Variants in LRP1B observed in about 807,000 individuals in gnomAD.
LRP1B encodes LDL receptor related protein 1B.
A neutral mutation model predicts 556.6 loss-of-function variants in LRP1B; 217 were observed. The observed-to-expected ratio is 0.39, with a 90% CI of 0.35 to 0.44. LRP1B has a LOEUF of 0.44. LRP1B is among the 20% of genes least tolerant of loss of function. The pLI, the probability that LRP1B is intolerant of heterozygous loss-of-function variation, is 1.00. For missense variants in LRP1B, 5,053 were observed against 5,620.8 expected, an observed-to-expected ratio of 0.90 and a Z score of 3.23; for synonymous variants, 2,047 against 1,865.8, an observed-to-expected ratio of 1.10 and a Z score of -2.50.
intron 2 of LRP1B, among the ~76,000 whole-genome samples, chr2:141,658,207 C>T (rs1166283189): frequency 1.3e-5 from 2 of 152,180 alleles, no homozygotes; most frequent in African/African-American, 4.8e-5. Context: ...CAACAAGTAG[C>T]TTTCAGCTAG....
At chr2:140,549,980 T>C (rs1680486644) in intron 43 of LRP1B, among the ~76,000 whole-genome samples, 1 of 151,898 alleles carries the variant, frequency 6.6e-6, no homozygotes, top group Non-Finnish European at 1.5e-5. Context: ...CTAGATTAGG[T>C]ATTTCTCCTA....
At chr2:141,829,370 C>T (rs1697037856) in intron 1 of LRP1B, among the ~76,000 whole-genome samples, 1 of 152,000 alleles carries the variant, frequency 6.6e-6, no homozygotes, top group Non-Finnish European at 1.5e-5. Flanking sequence ...ATATGAATTA[C>T]AGGAAAAAAT....
chr2:141,688,166 T>G (rs1691380698), intron 2 of LRP1B, among the ~76,000 whole-genome samples: 1 of 151,816 alleles, frequency 6.6e-6, no homozygotes. Flanking sequence ...CAATTTTCTT[T>G]CTGTCACACG....
intron 1 of LRP1B, among the ~76,000 whole-genome samples, chr2:141,969,074 AC>A (rs1476208113): frequency 1.3e-5 from 2 of 150,732 alleles, no homozygotes; most frequent in Admixed American, 6.7e-5. Flanking sequence ...TGGCTTGGCA[AC>A]CTGCAAGTTA....
intron 3 of LRP1B, among the ~76,000 whole-genome samples, chr2:141,365,439 G>A (rs965757682): frequency 1.3e-5 from 2 of 149,320 alleles, no homozygotes; most frequent in Admixed American, 6.7e-5. Context: ...CATAAAGAAT[G>A]AAACATGTTC....
intron 6 of LRP1B, among the ~76,000 whole-genome samples, chr2:141,200,960 A>T (rs1265154468): frequency 6.6e-6 from 1 of 152,164 alleles, no homozygotes; most frequent in Non-Finnish European, 1.5e-5. Context: ...GCAGCATCTG[A>T]AGTCATAGCT....
chr2:141,014,189 A>C (rs1697836462), intron 13 of LRP1B, among the ~76,000 whole-genome samples: 1 of 152,120 alleles, frequency 6.6e-6, no homozygotes. Context: ...AACATGTTCA[A>C]ACAGCATTGG....
At chr2:141,757,805 G>A (rs1196567672) in intron 2 of LRP1B, among the ~76,000 whole-genome samples, 1 of 151,980 alleles carries the variant, frequency 6.6e-6, no homozygotes, top group Non-Finnish European at 1.5e-5. Flanking sequence ...TCAAAATGCT[G>A]GGATCACTGG....
At chr2:142,098,937 T>C (rs1441844472) in intron 1 of LRP1B, among the ~76,000 whole-genome samples, 1 of 151,772 alleles carries the variant, frequency 6.6e-6, no homozygotes, top group Admixed American at 6.6e-5. Context: ...TGAGGAGTTG[T>C]TCCTAAATTA....
intron 21 of LRP1B, among the ~76,000 whole-genome samples, chr2:140,921,615 T>A (rs1243105095): frequency 6.6e-6 from 1 of 152,014 alleles, no homozygotes; most frequent in East Asian, 1.9e-4. Context: ...AAATCACATT[T>A]TTCTAACAAA....
intron 60 of LRP1B, among the ~76,000 whole-genome samples, chr2:140,465,202 C>T (rs1232962615): frequency 2.0e-5 from 3 of 151,992 alleles, no homozygotes; most frequent in African/African-American, 4.8e-5. Context: ...TGGAGAGGTG[C>T]CACACACCTT....
At chr2:140,652,162 C>T (rs1684712821) in intron 41 of LRP1B, among the ~76,000 whole-genome samples, 3 of 150,996 alleles carry the variant, frequency 2.0e-5, no homozygotes, top group South Asian at 4.2e-4. Context: ...ATAGGAAATC[C>T]AATAATGCAA....
intron 1 of LRP1B, among the ~76,000 whole-genome samples, chr2:141,877,339 A>G (rs10190143): frequency 0.16 from 24,067 of 151,890 alleles, 1,972 homozygotes; most frequent in South Asian, 0.19. Flanking sequence ...GTAGCAGTCT[A>G]GCAAGGGATT....
chr2:140,452,580 TC>T (rs1686929547), intron 62 of LRP1B, among the ~76,000 whole-genome samples: 1 of 152,120 alleles, frequency 6.6e-6, no homozygotes, highest in South Asian at 2.1e-4. Context: ...ATGTTGTTAT[TC>T]CCATATAAGT....
chr2:141,267,316 C>G (rs1428520470), intron 3 of LRP1B, among the ~76,000 whole-genome samples: 1 of 152,228 alleles, frequency 6.6e-6, no homozygotes, highest in Admixed American at 6.5e-5. Context: ...CTTAAACTAT[C>G]TGAGCTTCAG....
chr2:140,844,188 A>G (rs1692204440), intron 29 of LRP1B, among the ~76,000 whole-genome samples: 1 of 152,026 alleles, frequency 6.6e-6, no homozygotes, highest in Admixed American at 6.5e-5. Flanking sequence ...CAGCCTCCCG[A>G]GTAGCTGGGA....
intron 1 of LRP1B, among the ~76,000 whole-genome samples, chr2:141,995,992 G>A (rs987700632): frequency 4.6e-5 from 7 of 152,184 alleles, no homozygotes; most frequent in Non-Finnish European, 7.4e-5. Flanking sequence ...GGTGGCTCAC[G>A]CCTGTAATCC....
At chr2:140,922,114 T>G (rs13419308) in intron 21 of LRP1B, among the ~76,000 whole-genome samples, 7,078 of 152,030 alleles carry the variant, frequency 0.047, 204 homozygotes, top group Middle Eastern at 0.068. Flanking sequence ...TAAACCACAA[T>G]AGCTCATCGT....
chr2:141,809,027 G>A (rs1252389540), intron 2 of LRP1B, among the ~76,000 whole-genome samples: 1 of 151,980 alleles, frequency 6.6e-6, no homozygotes, highest in Non-Finnish European at 1.5e-5. Context: ...CTTATCTGCT[G>A]AGAACCTTGT....
Sources: allele counts gnomAD v4.1 joint callset (sites outside exome capture counted in the v4.1 genomes callset), GRCh38; gene constraint gnomAD v4.1.1; transcripts MANE v1.5; gene names NCBI Gene and HGNC (gene_info 2026-07-23, HGNC 2026-07-21).